The following DDIAS variants were observed in gnomAD, a reference collection of about 807,000 sequenced individuals.
The protein encoded by DDIAS is DNA damage-induced apoptosis suppressor protein.
In DDIAS, 14 loss-of-function variants were observed where a neutral mutation model predicts 15.7. The observed-to-expected ratio is 0.89, with a 90% CI of 0.59 to 1.39. The LOEUF is 1.39. Ranked by LOEUF, DDIAS falls within the 40% of genes most tolerant of loss-of-function variation. DDIAS has a pLI of 0.00. For missense variants in DDIAS, 1,035 were observed against 1,130.9 expected, an observed-to-expected ratio of 0.92 and a Z score of 1.22; for synonymous variants, 355 against 395.9, an observed-to-expected ratio of 0.90 and a Z score of 1.23.
At chr11:82,931,081 T>C (rs905426853) in intron 5 of DDIAS, among the ~76,000 whole-genome samples, 2 of 152,206 alleles carry the variant, frequency 1.3e-5, no homozygotes, top group Non-Finnish European at 2.9e-5. Flanking sequence ...ACTGTGCAGT[T>C]TTCCATTTTA....
At position 82,934,597 on chromosome 11, in the gene DDIAS, G is replaced by A. The variant is rs1265643215; in HGVS notation, c.*262G>A. 1.2e-5 allele frequency: 4 copies of A among 330,404 alleles called. No homozygotes were observed. The Admixed American group carries it at 1.9e-4, about 16-fold the overall frequency. The allele number at this position is 330,404 out of a possible 1,614,324, so 20.5% of individuals were successfully genotyped here. Reference sequence around the variant, plus strand: ...TAATAATATTGTTAAGATTGTTTTTGAAAGTATTAATGTTTGTTAAAATCA... The same window carrying A: ...TAATAATATTGTTAAGATTGTTTTTAAAAGTATTAATGTTTGTTAAAATCA... On this transcript the variant is annotated 3_prime_UTR_variant, in exon 6 of 6. Transcript: ENST00000533655.
chr11:82,930,160 C>T lies in DDIAS; in HGVS notation c.279C>T (p.Tyr93=). The T allele has an allele frequency of 4.6e-6, 7 of 1,535,670 alleles. No individual in the cohort carries two copies. Among genetic ancestry groups the T allele is most frequent in the Non-Finnish European group, 6.2e-6 (7 of 1,126,456 alleles). ...TTTTACTTTTTTTCCAATCAAGGTACATTCAGGATCCTAATAAAATTCCAG... is the reference window on the plus strand; with the variant it reads ...TTTTACTTTTTTTCCAATCAAGGTATATTCAGGATCCTAATAAAATTCCAG... ...FGLTATGLHR[Y]IQDPNKIPET... is the part of the protein sequence containing the mutation. The change falls in exon 5 of 6, where the codon TAC becomes TAT. Residue 93 remains tyrosine, a synonymous_variant. Transcript: ENST00000533655.
intron 3 of DDIAS, among the ~76,000 whole-genome samples, chr11:82,928,325 A>C (rs777983440): frequency 2.7e-5 from 4 of 150,718 alleles, no homozygotes; most frequent in Non-Finnish European, 3.0e-5. Flanking sequence ...CAGCCTCCCA[A>C]GTAGCTGGGA....
intron 1 of DDIAS, among the ~76,000 whole-genome samples, chr11:82,902,451 C>G (rs906334406): frequency 2.0e-5 from 3 of 151,650 alleles, no homozygotes; most frequent in Admixed American, 2.0e-4. Flanking sequence ...CCAGTCCAGT[C>G]TCCACATTGC....
intron 3 of DDIAS, among the ~76,000 whole-genome samples, chr11:82,924,891 A>T (rs1220257173): frequency 6.6e-6 from 1 of 152,214 alleles, no homozygotes; most frequent in Non-Finnish European, 1.5e-5. Flanking sequence ...AACAAAAAAG[A>T]TAGCAAATTA....
intron 1 of DDIAS, among the ~76,000 whole-genome samples, chr11:82,902,076 C>A (rs1171804099): frequency 6.6e-6 from 1 of 152,172 alleles, no homozygotes; most frequent in Non-Finnish European, 1.5e-5. Context: ...TCGGAGTGAG[C>A]TTTTAGAATC....
At chr11:82,921,571 CTTTTTTTTT>C (rs968751055) in intron 3 of DDIAS, among the ~76,000 whole-genome samples, 2 of 78,122 alleles carry the variant, frequency 2.6e-5, no homozygotes, top group African/African-American at 5.5e-5. Flanking sequence ...TTCTTTCTTT[CTTTTTTTTT>C]TTTTTTTTTT....
At chr11:82,907,402 C>T (rs553986345) in intron 1 of DDIAS, among the ~76,000 whole-genome samples, 52 of 152,278 alleles carry the variant, frequency 3.4e-4, no homozygotes, top group Non-Finnish European at 5.3e-4. Flanking sequence ...AAAAGAAAAG[C>T]CATTCCCTTT....
At chr11:82,923,105 G>A (rs1860790464) in intron 3 of DDIAS, among the ~76,000 whole-genome samples, 2 of 152,216 alleles carry the variant, frequency 1.3e-5, no homozygotes, top group Admixed American at 6.5e-5. Context: ...AGGTCCTGCA[G>A]GAGCAGTCCA....
At chr11:82,909,958 A>G (rs1179366521) in intron 1 of DDIAS, among the ~76,000 whole-genome samples, 1 of 152,194 alleles carries the variant, frequency 6.6e-6, no homozygotes, top group African/African-American at 2.4e-5. Flanking sequence ...TTGATTGACT[A>G]TCAGAATTAG....
At chr11:82,914,566 A>T in intron 2 of DDIAS, 157 bp from the exon 3 acceptor site, 1 of 499,044 alleles carries the variant, frequency 2.0e-6, no homozygotes, top group Non-Finnish European at 3.5e-6. Flanking sequence ...GAGAAAAAGA[A>T]TTAATTTTCC....
At chr11:82,906,550 C>T (rs1262542800) in intron 1 of DDIAS, among the ~76,000 whole-genome samples, 1 of 152,068 alleles carries the variant, frequency 6.6e-6, no homozygotes, top group Non-Finnish European at 1.5e-5. Flanking sequence ...CTTATTTTCA[C>T]TTAGCCCAGT....
intron 1 of DDIAS, 102 bp downstream of exon 1, chr11:82,901,924 G>GT (rs1411689120): frequency 2.6e-5 from 4 of 152,216 alleles, no homozygotes; most frequent in Non-Finnish European, 5.9e-5. Context: ...CCCGGCGCTT[G>GT]TTTTTTCACA....
Position 82,901,783 on chromosome 11 carries a change from C to T in DDIAS, c.-156C>T, listed in dbSNP as rs1233881487. The T allele has an allele frequency of 1.3e-5, 2 of 152,168 alleles. No individual in the cohort carries two copies. The highest frequency in any genetic ancestry group is 2.9e-5 in the Non-Finnish European group (2 of 68,078). The allele number at this position is 152,168 out of a possible 1,614,324, so 9.4% of individuals were successfully genotyped here. A position where few individuals can be genotyped will look rare whatever the true frequency, so the allele number is the denominator to read the frequency against. ...TACTGAGTTCGGCCGGTCCGAGTCA[C>T]TGTGCGTCGCCTGGGCCCGTTCCTG... On this transcript the variant is annotated 5_prime_UTR_variant, in exon 1 of 6. Coordinates refer to ENST00000533655, the MANE Select transcript of DDIAS (RefSeq NM_145018.4).
At chr11:82,909,207 C>T (rs1167470815) in intron 1 of DDIAS, 2 of 152,170 alleles carry the variant, frequency 1.3e-5, no homozygotes, top group African/African-American at 4.8e-5. Context: ...ATTTGTGCCT[C>T]CCCCTTTTAG....
At chr11:82,901,904 C>G (rs1483480516) in intron 1 of DDIAS, 82 bp downstream of exon 1, 1 of 152,150 alleles carries the variant, frequency 6.6e-6, no homozygotes, top group Non-Finnish European at 1.5e-5. Flanking sequence ...TGAATGAGAC[C>G]CACCCAGAGC....
At chr11:82,918,338 G>A (rs1860672922) in intron 3 of DDIAS, among the ~76,000 whole-genome samples, 1 of 152,138 alleles carries the variant, frequency 6.6e-6, no homozygotes, top group Non-Finnish European at 1.5e-5. Flanking sequence ...TTGTTGAAAA[G>A]GGTGTCCTTT....
At position 82,932,724 on chromosome 11, in the gene DDIAS, T is replaced by C. The variant is rs748720249; in HGVS notation, c.1386T>C (p.Ser462=). The change falls in exon 6 of 6, where the codon TCT becomes TCC. Residue 462 remains serine, a synonymous_variant. Transcript: ENST00000533655. Reference sequence around the variant, plus strand: ...TTCATGCAGACCACAGCAGGTTATCTGTGACTCCCCAGAGAACTACTGGAG... The same window carrying C: ...TTCATGCAGACCACAGCAGGTTATCCGTGACTCCCCAGAGAACTACTGGAG... ...DKFHADHSRL[S]VTPQRTTGAL... is the part of the protein sequence containing the mutation. The C allele has an allele frequency of 5.0e-6, 8 of 1,614,110 alleles. No homozygotes were observed. The highest frequency in any genetic ancestry group is 6.8e-6 in the Non-Finnish European group (8 of 1,180,036).
intron 3 of DDIAS, among the ~76,000 whole-genome samples, chr11:82,920,839 T>C (rs1860731916): frequency 6.6e-6 from 1 of 152,250 alleles, no homozygotes; most frequent in African/African-American, 2.4e-5. Flanking sequence ...TTGAATAGAA[T>C]GTGTAATCTG....
Sources: allele counts gnomAD v4.1 joint callset (sites outside exome capture counted in the v4.1 genomes callset), GRCh38; gene constraint gnomAD v4.1.1; transcripts MANE v1.5; gene names NCBI Gene and HGNC (gene_info 2026-07-23, HGNC 2026-07-21).